MAPT: variants seen among roughly 807,000 people sequenced by gnomAD.
MAPT encodes the protein microtubule-associated protein tau.
Under a neutral mutation model 67.9 loss-of-function variants are expected in MAPT, and 34 were observed. The observed-to-expected ratio is 0.50, with a 90% CI of 0.38 to 0.67. The LOEUF (loss-of-function observed/expected upper bound fraction) is 0.67, where lower values mean the gene tolerates loss of function less well. Among genes scored for constraint, MAPT ranks in the 30% least tolerant of loss-of-function variants. MAPT has a pLI of 0.00. For synonymous variants in MAPT, 456 were observed against 464.5 expected, an observed-to-expected ratio of 0.98 and a Z score of 0.23; for missense variants, 881 against 1,115.2, an observed-to-expected ratio of 0.79 and a Z score of 2.99.
chr17:45,935,118 T>C (rs1275644900), intron 1 of MAPT, among the ~76,000 whole-genome samples: 1 of 152,122 alleles, frequency 6.6e-6, no homozygotes, highest in African/African-American at 2.4e-5. Flanking sequence ...AAATCGACCA[T>C]GGTAGGGCCT....
intron 4 of MAPT, 78 bp downstream of exon 4, chr17:45,978,518 C>A: frequency 8.6e-7 from 1 of 1,162,968 alleles, no homozygotes; most frequent in Non-Finnish European, 1.3e-6. Flanking sequence ...CTGAAAAGAT[C>A]ATTTGGACCT....
At chr17:45,938,979 A>C (rs535956594) in intron 1 of MAPT, among the ~76,000 whole-genome samples, 48 of 151,996 alleles carry the variant, frequency 3.2e-4, no homozygotes, top group African/African-American at 1.1e-3. Context: ...ACGCCCGACT[A>C]ATTTTTGTAT....
intron 12 of MAPT, among the ~76,000 whole-genome samples, chr17:46,019,080 A>G (rs1246050295): frequency 6.6e-6 from 1 of 152,194 alleles, no homozygotes; most frequent in African/African-American, 2.4e-5. Context: ...AAGACTGGGT[A>G]ATTTATAAAG....
intron 4 of MAPT, among the ~76,000 whole-genome samples, chr17:45,981,331 A>G (rs1598262406): frequency 6.8e-6 from 1 of 147,402 alleles, no homozygotes; most frequent in Non-Finnish European, 1.5e-5. Flanking sequence ...AAGGGTATTT[A>G]TTAGGAGAAC....
intron 1 of MAPT, among the ~76,000 whole-genome samples, chr17:45,937,055 A>T (rs2067400093): frequency 6.6e-6 from 1 of 152,184 alleles, no homozygotes; most frequent in African/African-American, 2.4e-5. Flanking sequence ...TATGTATGCG[A>T]TATGAGAGCT....
chr17:46,017,711 G>A (rs528134926), intron 11 of MAPT, among the ~76,000 whole-genome samples: 16 of 147,740 alleles, frequency 1.1e-4, no homozygotes, highest in South Asian at 4.3e-4. Flanking sequence ...CACCTGCCTC[G>A]GCCTCCCAAA....
At chr17:45,979,012 AAAAG>A (rs2072680128) in intron 4 of MAPT, 1 of 152,698 alleles carries the variant, frequency 6.5e-6, no homozygotes, top group African/African-American at 2.4e-5. Context: ...TCAAAAAAAA[AAAAG>A]AAACTCAAAT....
chr17:45,953,967 C>T (rs187674619), intron 1 of MAPT, among the ~76,000 whole-genome samples: 2 of 152,222 alleles, frequency 1.3e-5, no homozygotes. Flanking sequence ...AGGAGGTGAT[C>T]GGAACATACA....
rs368746439 is a variant in MAPT, at chr17:46,023,934, C to T, written c.2287-22C>T. On this transcript the variant is annotated intron_variant, in intron 12 of 12. Transcript: ENST00000262410. ...TTTCTCTGGCACTTCATCTCACCCT[C>T]CCTCCCTTCCTCTTCTTGCAGATTG... The T allele has an allele frequency of 4.4e-6, 7 of 1,608,284 alleles. No homozygotes were observed. In the African/African-American group the frequency reaches 8.0e-5, roughly 18 times the overall value.
chr17:45,995,828 CGAACAGCT>C lies in MAPT; in HGVS notation c.1733-557_1733-550del, dbSNP rs2074425036. ...GTGCTGGCAGGAGCCCTGAACTAGC[CGAACAGCT>C]GAACAGCTGAACATTCACCCTGTGG... On this transcript the variant is annotated intron_variant, in intron 8 of 12. Transcript: ENST00000262410. This position sits in a 1 kb window ranked among gnomAD's most constrained non-coding sequence, Gnocchi z 4.3. 6.6e-6 allele frequency among the ~76,000 whole-genome samples: 1 copy of C among 152,108 alleles called. No homozygotes were observed. The highest frequency in any genetic ancestry group is 2.4e-5 in the African/African-American group (1 of 41,410).
In MAPT at chr17:46,010,415, A is replaced by ACACG; in HGVS notation, c.2091+14_2091+17dup. On this transcript the variant is annotated intron_variant, in intron 10 of 12. Transcript: ENST00000262410. The surrounding 1 kb of genome is among the most constrained non-coding windows in gnomAD (Gnocchi z 4.7). ...GGGAGGCGGCAGTGTGAGTACCTTC[A>ACACG]CACGTCCCATGCGCCGTGCTGTGGC... 6.5e-7 allele frequency: 1 copy of ACACG among 1,544,542 alleles called. No individual in the cohort carries two copies.
intron 10 of MAPT, among the ~76,000 whole-genome samples, chr17:46,011,937 A>T (rs981965961): frequency 6.6e-6 from 1 of 152,090 alleles, no homozygotes; most frequent in African/African-American, 2.4e-5. Context: ...CTTCCTCACC[A>T]GTGTCTGCTA....
chr17:46,023,930 C>A, intron 12 of MAPT, 26 bp from the exon 13 acceptor site: 2 of 1,602,446 alleles, frequency 1.2e-6, no homozygotes. Flanking sequence ...CTTCATCTCA[C>A]CCTCCCTCCC....
chr17:45,928,002 G>GAAAA (rs35954789), intron 1 of MAPT, among the ~76,000 whole-genome samples: 3 of 55,186 alleles, frequency 5.4e-5, no homozygotes, highest in Non-Finnish European at 6.5e-5. Context: ...TCCGTCTCAG[G>GAAAA]AAAAAAAAAA....
chr17:45,946,615 A>AAAAAAAATATATATATATAT, intron 1 of MAPT, among the ~76,000 whole-genome samples: 76 of 100,214 alleles, frequency 7.6e-4, no homozygotes, highest in Non-Finnish European at 1.4e-3. Flanking sequence ...AAAAAAAAAA[A>AAAAAAAATATATATATATAT]ATATATATAT....
intron 9 of MAPT, chr17:45,999,563 C>A: frequency 4.3e-6 from 7 of 1,612,800 alleles, no homozygotes; most frequent in Non-Finnish European, 5.9e-6. Flanking sequence ...AGACAACTTT[C>A]CATTGAAGGC....
chr17:45,972,916 G>A (rs62063305), intron 3 of MAPT: 21,652 of 152,352 alleles, frequency 0.14, 2,121 homozygotes, highest in Non-Finnish European at 0.22. Flanking sequence ...CTGGGACATT[G>A]AGCATTTTGC....
At chr17:45,938,033 T>A (rs2067511198) in intron 1 of MAPT, among the ~76,000 whole-genome samples, 1 of 152,226 alleles carries the variant, frequency 6.6e-6, no homozygotes, top group African/African-American at 2.4e-5. Flanking sequence ...ATTTCTTTCC[T>A]TCCTTTCCCC....
chr17:45,958,658 C>G (rs2070012078), intron 1 of MAPT, among the ~76,000 whole-genome samples: 1 of 150,426 alleles, frequency 6.6e-6, no homozygotes, highest in Non-Finnish European at 1.5e-5. Context: ...GAGGTAGAGT[C>G]TGCAGTGAGC....
Sources: gnomAD v4.1 joint callset for allele counts (sites outside exome capture counted in the v4.1 genomes callset) on GRCh38, gnomAD v4.1.1 for gene constraint, Gnocchi (gnomAD v3.1) non-coding constraint, MANE v1.5 for transcripts, NCBI Gene and HGNC (gene_info 2026-07-23, HGNC 2026-07-21) for gene names.